Variants in ANKS1B observed in about 807,000 individuals in gnomAD.
The protein encoded by ANKS1B is ankyrin repeat and sterile alpha motif domain-containing protein 1B.
Under a neutral mutation model 148.3 loss-of-function variants are expected in ANKS1B, and 36 were observed. The ratio of observed to expected loss-of-function variants is 0.24; its 90% CI spans 0.19 to 0.32. ANKS1B has a LOEUF of 0.32. Ranked by LOEUF, ANKS1B falls within the 10% of genes least tolerant of loss-of-function variation. The pLI is 1.00. For missense variants in ANKS1B, 1,157 were observed against 1,542.6 expected, an observed-to-expected ratio of 0.75 and a Z score of 4.19; for synonymous variants, 542 against 560.8, an observed-to-expected ratio of 0.97 and a Z score of 0.47.
intron 12 of ANKS1B, among the ~76,000 whole-genome samples, chr12:99,347,543 T>C (rs558704319): frequency 1.3e-5 from 2 of 152,156 alleles, no homozygotes; most frequent in South Asian, 4.1e-4. Context: ...TTGCAAAGAC[T>C]GAGAGAGTTT....
intron 8 of ANKS1B, among the ~76,000 whole-genome samples, chr12:99,736,769 TGAAA>T (rs1162195554): frequency 1.4e-4 from 22 of 152,198 alleles, no homozygotes; most frequent in Non-Finnish European, 2.6e-4. Context: ...ACCTATTGAA[TGAAA>T]GAAAGTATTT....
Position 99,236,917 on chromosome 12 carries a change from C to G in ANKS1B, c.2419+7425G>C, listed in dbSNP as rs190688453. On this transcript the variant is annotated intron_variant, in intron 14 of 26. Transcript: ENST00000683438. ...TAAATGACGAGAACACATGGACACA[C>G]AGAGGGGAACAACACACGCTGATAT... is the stretch of plus-strand genomic sequence containing the variant. Among the ~76,000 whole-genome samples, 349 of 152,104 alleles carry G rather than the reference C, an allele frequency of 2.3e-3. 2 individuals are homozygous for G. The highest frequency in any genetic ancestry group is 6.4e-3 in the Admixed American group (97 of 15,270).
intron 2 of ANKS1B, among the ~76,000 whole-genome samples, chr12:99,812,513 A>C (rs1257913349): frequency 1.8e-4 from 12 of 67,138 alleles, no homozygotes; most frequent in East Asian, 8.3e-4. Context: ...ACCCCATGCC[A>C]CACACACACA....
chr12:99,906,290 G>A (rs2093779647), intron 1 of ANKS1B, among the ~76,000 whole-genome samples: 1 of 152,186 alleles, frequency 6.6e-6, no homozygotes, highest in African/African-American at 2.4e-5. Flanking sequence ...GTAGTGATCT[G>A]TATCGCTACA....
intron 1 of ANKS1B, among the ~76,000 whole-genome samples, chr12:99,861,720 A>G (rs11608580): frequency 0.14 from 21,743 of 152,158 alleles, 1,955 homozygotes; most frequent in Non-Finnish European, 0.2. Context: ...GTTCGCATGC[A>G]AACAATTTTG....
intron 10 of ANKS1B, among the ~76,000 whole-genome samples, chr12:99,468,021 G>A (rs929045135): frequency 6.6e-6 from 1 of 152,020 alleles, no homozygotes; most frequent in African/African-American, 2.4e-5. Context: ...AGGCATCACG[G>A]TACCTGACTT....
chr12:98,913,627 TA>T (rs2099789807), intron 17 of ANKS1B, among the ~76,000 whole-genome samples: 1 of 152,128 alleles, frequency 6.6e-6, no homozygotes, highest in Non-Finnish European at 1.5e-5. Flanking sequence ...AATTTCTTCA[TA>T]TTTTTTTTGT....
intron 9 of ANKS1B, among the ~76,000 whole-genome samples, chr12:99,620,934 A>G (rs2098040035): frequency 6.6e-6 from 1 of 152,164 alleles, no homozygotes; most frequent in Non-Finnish European, 1.5e-5. Flanking sequence ...ATACAAAATG[A>G]ACATCATCAA....
chr12:99,624,816 C>A (rs1435780014), intron 9 of ANKS1B, among the ~76,000 whole-genome samples: 1 of 152,044 alleles, frequency 6.6e-6, no homozygotes, highest in Non-Finnish European at 1.5e-5. Context: ...ACTACTTCTG[C>A]CACTGTGGGA....
chr12:99,359,875 A>G (rs975045592), intron 12 of ANKS1B, among the ~76,000 whole-genome samples: 3 of 152,142 alleles, frequency 2.0e-5, no homozygotes, highest in African/African-American at 7.2e-5. Flanking sequence ...AATACCAATT[A>G]CACTTTTTAC....
intron 17 of ANKS1B, among the ~76,000 whole-genome samples, chr12:98,832,774 T>G (rs2099329298): frequency 6.6e-6 from 1 of 152,104 alleles, no homozygotes; most frequent in Non-Finnish European, 1.5e-5. Flanking sequence ...CCATCCTCAT[T>G]TTATCACACT....
chr12:99,632,490 C>T (rs1038169647), intron 9 of ANKS1B, among the ~76,000 whole-genome samples: 10 of 151,656 alleles, frequency 6.6e-5, no homozygotes, highest in Non-Finnish European at 1.3e-4. Flanking sequence ...TATACAGCTG[C>T]CAGCATGCAA....
rs117322038 is a variant in ANKS1B at position 99,923,796 on chromosome 12, C to T, written c.134+60308G>A. 3.7e-3 allele frequency among the ~76,000 whole-genome samples: 566 copies of T among 152,156 alleles called. 6 individuals carry two copies. Among genetic ancestry groups the T allele is most frequent in the Non-Finnish European group, 3.5e-3 (237 of 67,986 alleles). ...GTACCTATTTATTCATGTCTCCCTC[C>T]TCCTACTGGTAAACTCATTATGGGC... On this transcript the variant is annotated intron_variant, in intron 1 of 26. Transcript: ENST00000683438.
At chr12:99,150,410 C>A (rs566061183) in intron 15 of ANKS1B, among the ~76,000 whole-genome samples, 2 of 152,008 alleles carry the variant, frequency 1.3e-5, no homozygotes, top group Admixed American at 6.6e-5. Flanking sequence ...GTAACCACTG[C>A]GTGAGTTCAG....
At chr12:99,139,753 C>A (rs371095801) in intron 15 of ANKS1B, among the ~76,000 whole-genome samples, 4 of 151,976 alleles carry the variant, frequency 2.6e-5, no homozygotes, top group African/African-American at 9.6e-5. Flanking sequence ...TACTATGGCT[C>A]TTTGTAGTTT....
chr12:99,357,464 T>G (rs557844848), intron 12 of ANKS1B, among the ~76,000 whole-genome samples: 1 of 152,222 alleles, frequency 6.6e-6, no homozygotes, highest in Admixed American at 6.6e-5. Context: ...ACACTTAACT[T>G]CTCTGACTTC....
At chr12:99,482,556 T>A (rs117774279) in intron 10 of ANKS1B, among the ~76,000 whole-genome samples, 3,144 of 152,152 alleles carry the variant, frequency 0.021, 40 homozygotes, top group Middle Eastern at 0.041. Flanking sequence ...TTTTTTATAA[T>A]TCTGTGAAAA....
At chr12:98,808,458 A>G (rs963463414) in intron 19 of ANKS1B, among the ~76,000 whole-genome samples, 3 of 152,208 alleles carry the variant, frequency 2.0e-5, no homozygotes, top group African/African-American at 7.2e-5. Context: ...TAACAAAGGA[A>G]GACGTGTCAG....
intron 17 of ANKS1B, among the ~76,000 whole-genome samples, chr12:98,929,051 C>T (rs544873338): frequency 5.4e-5 from 8 of 148,092 alleles, no homozygotes; most frequent in African/African-American, 1.8e-4. Flanking sequence ...TACACACACA[C>T]ACACACACAC....
Sources: gnomAD v4.1 joint callset for allele counts (sites outside exome capture counted in the v4.1 genomes callset) on GRCh38, gnomAD v4.1.1 for gene constraint, MANE v1.5 for transcripts, NCBI Gene and HGNC (gene_info 2026-07-23, HGNC 2026-07-21) for gene names.